PDE1C: variants seen among roughly 807,000 people sequenced by gnomAD.
PDE1C encodes phosphodiesterase 1C.
In PDE1C, 62 loss-of-function variants were observed where a neutral mutation model predicts 93.1. That is an observed-to-expected ratio of 0.67 (90% CI 0.54 to 0.82). The LOEUF (loss-of-function observed/expected upper bound fraction) is 0.82, where lower values mean the gene tolerates loss of function less well. PDE1C is among the 40% of genes least tolerant of loss of function. PDE1C has a pLI of 0.00. For synonymous variants in PDE1C, 325 were observed against 310.1 expected (o/e 1.05, Z -0.50); for missense variants, 742 against 884.6 (o/e 0.84, Z 2.04).
At chr7:31,691,744 T>C in the PDE1C span, among the ~76,000 whole-genome samples, 1 of 140,732 alleles carries the variant, frequency 7.1e-6, no homozygotes, top group East Asian at 2.0e-4. Context: ...CATCATAATG[T>C]GGATGGGGAG....
At chr7:32,005,264 A>G (rs1236200337) in intron 2 of PDE1C, among the ~76,000 whole-genome samples, 3 of 152,116 alleles carry the variant, frequency 2.0e-5, no homozygotes, top group Non-Finnish European at 2.9e-5. Context: ...GGATAAAAAT[A>G]TTGAGATTCT....
chr7:31,790,310 G>C (rs566089209), intron 16 of PDE1C: 1 of 1,511,408 alleles, frequency 6.6e-7, no homozygotes, highest in Non-Finnish European at 9.1e-7. Flanking sequence ...CTTTCCCCCC[G>C]CCCACCTCCA....
intron 1 of PDE1C, among the ~76,000 whole-genome samples, chr7:32,338,780 G>A (rs1783680559): frequency 6.6e-6 from 1 of 152,120 alleles, no homozygotes; most frequent in African/African-American, 2.4e-5. Flanking sequence ...GAGGTGGGCG[G>A]ATCACGAGGT....
chr7:31,625,661 T>C, the PDE1C span, among the ~76,000 whole-genome samples: 1 of 151,026 alleles, frequency 6.6e-6, no homozygotes, highest in African/African-American at 2.4e-5. Context: ...CTGGGAGATA[T>C]ACCTAATGCT....
chr7:32,381,242 TC>T (rs2128090263), intron 1 of PDE1C, among the ~76,000 whole-genome samples: 1 of 151,786 alleles, frequency 6.6e-6, no homozygotes, highest in Non-Finnish European at 1.5e-5. Context: ...AAGCCAGCAC[TC>T]TCTCTAGGCT....
chr7:32,378,384 C>T (rs1301203231), intron 1 of PDE1C, among the ~76,000 whole-genome samples: 3 of 152,210 alleles, frequency 2.0e-5, no homozygotes, highest in Non-Finnish European at 4.4e-5. Flanking sequence ...AGCTGCCAAG[C>T]TAACTTTGAG....
At chr7:32,106,570 C>T (rs2107956) in intron 3 of PDE1C, among the ~76,000 whole-genome samples, 123,126 of 152,060 alleles carry the variant, frequency 0.81, 50,609 homozygotes, top group African/African-American at 0.93. Context: ...GGCTCCTGTA[C>T]AATAACAGGG....
rs1434334982 is a variant in PDE1C at position 32,209,633 on chromosome 7, T to A, written c.86-94A>T. The A allele has an allele frequency of 8.5e-6, 9 of 1,057,338 alleles. No homozygotes were observed. The Admixed American group carries it at 1.2e-4, about 14-fold the overall frequency. The allele number at this position is 1,057,338 out of a possible 1,614,324, so 65.5% of individuals were successfully genotyped here. On this transcript the variant is annotated intron_variant, in intron 1 of 18. Coordinates refer to the PDE1C transcript ENST00000396193. ...AGCCAATCCCCTGGATGCTTTGACATCGGGCTGTATTTAAGAGTCTTTGTA... is the reference window on the plus strand; with the variant it reads ...AGCCAATCCCCTGGATGCTTTGACAACGGGCTGTATTTAAGAGTCTTTGTA...
the PDE1C span, among the ~76,000 whole-genome samples, chr7:31,676,108 G>A: frequency 6.6e-6 from 1 of 152,142 alleles, no homozygotes. Context: ...GCATGACGGT[G>A]GCCGAGAAGC....
chr7:32,151,455 G>A (rs1049803969), intron 3 of PDE1C, among the ~76,000 whole-genome samples: 3 of 152,144 alleles, frequency 2.0e-5, no homozygotes, highest in Non-Finnish European at 2.9e-5. Context: ...AATTCGAAAT[G>A]GTGGGAATAT....
At chr7:31,757,274 C>A (rs1562745396) in intron 17 of PDE1C, among the ~76,000 whole-genome samples, 1 of 152,284 alleles carries the variant, frequency 6.6e-6, no homozygotes, top group East Asian at 1.9e-4. Context: ...ACATTTAAAT[C>A]ATAGCAGTGG....
At chr7:32,346,935 C>G (rs926381895) in intron 1 of PDE1C, among the ~76,000 whole-genome samples, 8 of 152,222 alleles carry the variant, frequency 5.3e-5, no homozygotes, top group African/African-American at 7.2e-5. Context: ...ACTGTAGGAA[C>G]AGGCATTGAG....
chr7:32,145,546 A>G (rs755910126), intron 3 of PDE1C, among the ~76,000 whole-genome samples: 5 of 152,196 alleles, frequency 3.3e-5, no homozygotes, highest in Non-Finnish European at 7.3e-5. Context: ...TGTACTTTAA[A>G]ATACAATACA....
At chr7:31,826,814 A>C (rs1789727001) in intron 12 of PDE1C, among the ~76,000 whole-genome samples, 1 of 152,176 alleles carries the variant, frequency 6.6e-6, no homozygotes, top group African/African-American at 2.4e-5. Context: ...AAATCTTCTA[A>C]AAACAGGGTA....
chr7:31,766,745 C>T lies in PDE1C; in HGVS notation c.1960+8919G>A, dbSNP rs187822893. Among the ~76,000 whole-genome samples, 610 of 152,298 alleles carry T rather than the reference C, an allele frequency of 4.0e-3. 1 individual carries two copies. Among genetic ancestry groups the T allele is most frequent in the Non-Finnish European group, 7.2e-3 (492 of 68,018 alleles). Reference sequence around the variant, plus strand: ...ATATATCTTGTTGCAACTTGCTTTACTTGCTCGACATTATGCTCAGCATTG... The same window carrying T: ...ATATATCTTGTTGCAACTTGCTTTATTTGCTCGACATTATGCTCAGCATTG... On this transcript the variant is annotated intron_variant, in intron 17 of 17. Transcript: ENST00000396191.
intron 1 of PDE1C, among the ~76,000 whole-genome samples, chr7:32,394,024 T>C (rs1784798647): frequency 6.6e-6 from 1 of 152,206 alleles, no homozygotes; most frequent in African/African-American, 2.4e-5. Context: ...AGGTTACTAG[T>C]GACTCAGAAG....
intron 2 of PDE1C, among the ~76,000 whole-genome samples, chr7:31,896,674 T>C (rs912533394): frequency 1.3e-5 from 2 of 152,202 alleles, no homozygotes; most frequent in Admixed American, 6.5e-5. Context: ...AAAGCCAACA[T>C]TGCATTCTAA....
chr7:31,712,953 A>C, the PDE1C span, among the ~76,000 whole-genome samples: 1 of 152,178 alleles, frequency 6.6e-6, no homozygotes, highest in Admixed American at 6.5e-5. Context: ...TGGGAATTCA[A>C]GATGAGATTT....
At chr7:32,273,607 G>A (rs1164101633) in intron 1 of PDE1C, among the ~76,000 whole-genome samples, 1 of 152,182 alleles carries the variant, frequency 6.6e-6, no homozygotes, top group Non-Finnish European at 1.5e-5. Flanking sequence ...CAGGTGGCAG[G>A]ACAGATGAGC....
Sources: allele counts gnomAD v4.1 joint callset (sites outside exome capture counted in the v4.1 genomes callset), GRCh38; gene constraint gnomAD v4.1.1; transcripts MANE v1.5; gene names NCBI Gene and HGNC (gene_info 2026-07-23, HGNC 2026-07-21).